GNAQ: variants seen among roughly 807,000 people sequenced by gnomAD.
GNAQ encodes the protein G protein subunit alpha q.
In GNAQ, 8 loss-of-function variants were observed where a neutral mutation model predicts 43.9. The ratio of observed to expected loss-of-function variants is 0.18; its 90% CI spans 0.11 to 0.33. The LOEUF (loss-of-function observed/expected upper bound fraction) is 0.33. Ranked by LOEUF, GNAQ falls within the 10% of genes least tolerant of loss-of-function variation. GNAQ has a pLI of 1.00. For missense variants in GNAQ, 158 were observed against 450.8 expected, an observed-to-expected ratio of 0.35 and a Z score of 5.88; for synonymous variants, 155 against 170.7, an observed-to-expected ratio of 0.91 and a Z score of 0.71.
intron 1 of GNAQ, among the ~76,000 whole-genome samples, chr9:77,936,835 A>G (rs1310509554): frequency 6.6e-6 from 1 of 152,146 alleles, no homozygotes; most frequent in Non-Finnish European, 1.5e-5. Context: ...AAGTATACTC[A>G]CCATCAACTT....
chr9:77,829,602 T>C (rs1166352984), intron 2 of GNAQ, among the ~76,000 whole-genome samples: 1 of 152,156 alleles, frequency 6.6e-6, no homozygotes, highest in Non-Finnish European at 1.5e-5. Context: ...TGCAGCTTTG[T>C]GGCCCACCCG....
chr9:77,876,739 A>C (rs1828131676), intron 2 of GNAQ, among the ~76,000 whole-genome samples: 1 of 152,214 alleles, frequency 6.6e-6, no homozygotes, highest in Non-Finnish European at 1.5e-5. Context: ...CCCTACTTAC[A>C]AAAGAAGAAG....
At chr9:77,733,615 CCCA>C (rs1825529839) in intron 5 of GNAQ, among the ~76,000 whole-genome samples, 1 of 152,212 alleles carries the variant, frequency 6.6e-6, no homozygotes, top group Non-Finnish European at 1.5e-5. Context: ...TCCTCCCATC[CCCA>C]GCACAGGATG....
chr9:77,892,333 A>G (rs1828419576), intron 2 of GNAQ, among the ~76,000 whole-genome samples: 1 of 152,170 alleles, frequency 6.6e-6, no homozygotes, highest in Non-Finnish European at 1.5e-5. Flanking sequence ...TATGCCATGT[A>G]AATGCATTAA....
intron 1 of GNAQ, among the ~76,000 whole-genome samples, chr9:77,952,946 ATTG>A (rs562156545): frequency 1.1e-3 from 171 of 152,326 alleles, no homozygotes; most frequent in African/African-American, 3.8e-3. Context: ...AACATCAGCA[ATTG>A]TTGTTGTTAA....
chr9:77,726,521 T>G (rs1377329930), intron 6 of GNAQ, among the ~76,000 whole-genome samples: 3 of 152,194 alleles, frequency 2.0e-5, no homozygotes, highest in Non-Finnish European at 4.4e-5. Context: ...ATCCCTGATG[T>G]GTTTGTATCA....
At chr9:77,753,103 A>AAAAAAG (rs1825841170) in intron 5 of GNAQ, among the ~76,000 whole-genome samples, 1 of 150,532 alleles carries the variant, frequency 6.6e-6, no homozygotes, top group African/African-American at 2.5e-5. Context: ...AAAAAAAAAA[A>AAAAAAG]AAAGAAAAAG....
chr9:77,956,812 G>A (rs1023329539), intron 1 of GNAQ, among the ~76,000 whole-genome samples: 4 of 152,156 alleles, frequency 2.6e-5, no homozygotes, highest in African/African-American at 7.2e-5. Flanking sequence ...GGGCTCCAGG[G>A]ACACACTGTC....
At chr9:78,024,770 T>C (rs1823956888) in intron 1 of GNAQ, among the ~76,000 whole-genome samples, 1 of 152,170 alleles carries the variant, frequency 6.6e-6, no homozygotes, top group South Asian at 2.1e-4. Flanking sequence ...TGGCACATAG[T>C]AGGTGCTCAT....
chr9:78,019,025 A>T (rs1215443267), intron 1 of GNAQ, among the ~76,000 whole-genome samples: 1 of 152,182 alleles, frequency 6.6e-6, no homozygotes, highest in Non-Finnish European at 1.5e-5. Flanking sequence ...CCTACAAAAA[A>T]TACGTTTCTC....
chr9:78,008,642 G>A (rs548296448), intron 1 of GNAQ, among the ~76,000 whole-genome samples: 10 of 147,314 alleles, frequency 6.8e-5, no homozygotes, highest in Non-Finnish European at 1.3e-4. Flanking sequence ...TTTTTGAGAC[G>A]GAGTCTCGCT....
At chr9:77,731,746 A>G (rs1409060971) in intron 5 of GNAQ, among the ~76,000 whole-genome samples, 1 of 152,230 alleles carries the variant, frequency 6.6e-6, no homozygotes, top group African/African-American at 2.4e-5. Flanking sequence ...CTGCATTTCT[A>G]ACAAGACCGC....
intron 2 of GNAQ, among the ~76,000 whole-genome samples, chr9:77,853,735 C>A (rs751283909): frequency 3.8e-5 from 5 of 132,764 alleles, no homozygotes; most frequent in Non-Finnish European, 6.1e-5. Flanking sequence ...TCCTATTATT[C>A]CAGCGGATTT....
At position 77,721,352 on chromosome 9, in the gene GNAQ, A is replaced by G. The variant is rs1059530; in HGVS notation, c.1051T>C (p.Leu351=). Residue 351 remains leucine (L), a synonymous_variant, in exon 7 of 7, where the codon TTG becomes CTG. Coordinates refer to ENST00000286548, the MANE Select transcript of GNAQ (RefSeq NM_002072.5). ...ACCAGATTGTACTCCTTCAGGTTCA[A>G]CTGGAGGATGGTGTCCTTGACGGCA... is the stretch of plus-strand genomic sequence containing the variant. ...FAAVKDTILQ[L]NLKEYNLV is the part of the protein sequence containing the mutation. 1.2e-6 allele frequency: 2 copies of G among 1,611,280 alleles called. No individual in the cohort carries two copies. Among genetic ancestry groups the G allele is most frequent in the Middle Eastern group, 1.7e-4 (1 of 5,972 alleles).
intron 2 of GNAQ, among the ~76,000 whole-genome samples, chr9:77,861,690 C>T (rs1357480973): frequency 6.6e-6 from 1 of 152,142 alleles, no homozygotes; most frequent in African/African-American, 2.4e-5. Context: ...CCATGTCTCA[C>T]ATCCCGGTCA....
At position 77,717,820 on chromosome 9, in the gene GNAQ, AT is replaced by A. The variant is rs1213009841; in HGVS notation, c.*3502del. On this transcript the variant is annotated 3_prime_UTR_variant, in exon 7 of 7. Coordinates refer to ENST00000286548, the MANE Select transcript of GNAQ (RefSeq NM_002072.5). ...TAAACAACATATGCAGGTTCTTAAA[AT>A]TTTTTTTTCCAGTCTATTCATGACA... The A allele has an allele frequency of 4.8e-5, 11 of 231,056 alleles. No homozygotes were observed. The highest frequency in any genetic ancestry group is 1.8e-4 in the South Asian group (1 of 5,480). 14.3% of individuals were successfully genotyped at this position (231,056 alleles called of 1,614,324 possible). A position where few individuals can be genotyped will look rare whatever the true frequency, so the allele number is the denominator to read the frequency against.
intron 2 of GNAQ, among the ~76,000 whole-genome samples, chr9:77,858,552 T>C (rs1321194933): frequency 6.6e-6 from 1 of 152,152 alleles, no homozygotes; most frequent in Non-Finnish European, 1.5e-5. Flanking sequence ...TTCAGAGGTC[T>C]CCAAAAGCCT....
chr9:78,030,690 A>C (rs1587469860), intron 1 of GNAQ: 1 of 391,232 alleles, frequency 2.6e-6, no homozygotes, highest in Non-Finnish European at 5.4e-6. Context: ...CCACGCCACC[A>C]CCCCATGGGG....
intron 2 of GNAQ, among the ~76,000 whole-genome samples, chr9:77,822,791 T>C (rs552891628): frequency 6.6e-6 from 1 of 152,264 alleles, no homozygotes; most frequent in South Asian, 2.1e-4. Context: ...TCCTAGAATC[T>C]TGGGGAAGGA....
Sources: gnomAD v4.1 joint callset for allele counts (sites outside exome capture counted in the v4.1 genomes callset) on GRCh38, gnomAD v4.1.1 for gene constraint, MANE v1.5 for transcripts, NCBI Gene and HGNC (gene_info 2026-07-23, HGNC 2026-07-21) for gene names.